Variants in CACNB2 observed in about 807,000 individuals in gnomAD.
CACNB2 encodes the protein calcium voltage-gated channel auxiliary subunit beta 2, also known as voltage-dependent L-type calcium channel subunit beta-2.
In CACNB2, 42 loss-of-function variants were observed where a neutral mutation model predicts 73.3. The observed-to-expected ratio is 0.57, with a 90% CI of 0.45 to 0.74. CACNB2 has a LOEUF of 0.74. Among genes scored for constraint, CACNB2 ranks in the 30% least tolerant of loss-of-function variants. The pLI is 0.00. For synonymous variants in CACNB2, 348 were observed against 310.3 expected, an observed-to-expected ratio of 1.12 and a Z score of -1.28; for missense variants, 940 against 853.0, an observed-to-expected ratio of 1.10 and a Z score of -1.27.
chr10:18,493,897 CCCCG>C (rs2049614061), intron 3 of CACNB2, among the ~76,000 whole-genome samples: 1 of 152,090 alleles, frequency 6.6e-6, no homozygotes, highest in African/African-American at 2.4e-5. Flanking sequence ...TACATCTGTC[CCCCG>C]CATCCCTTGA....
intron 3 of CACNB2, among the ~76,000 whole-genome samples, chr10:18,438,761 C>T (rs906523387): frequency 2.0e-5 from 3 of 152,234 alleles, no homozygotes; most frequent in Admixed American, 6.5e-5. Flanking sequence ...TCTCCCTGGG[C>T]CTTATGGAGT....
At chr10:18,388,633 C>G (rs1179607051) in intron 2 of CACNB2, among the ~76,000 whole-genome samples, 1 of 152,090 alleles carries the variant, frequency 6.6e-6, no homozygotes, top group Non-Finnish European at 1.5e-5. Flanking sequence ...TATTTTACTA[C>G]CAAATTACTG....
chr10:18,155,813 A>G (rs1225086762), intron 2 of CACNB2, among the ~76,000 whole-genome samples: 2 of 151,788 alleles, frequency 1.3e-5, no homozygotes, highest in Non-Finnish European at 2.9e-5. Context: ...CTAACCCACA[A>G]TTTAACTGTG....
chr10:18,271,844 T>C (rs745916327), intron 2 of CACNB2, among the ~76,000 whole-genome samples: 17 of 152,186 alleles, frequency 1.1e-4, no homozygotes, highest in Non-Finnish European at 2.2e-4. Flanking sequence ...TTTTTGTTTA[T>C]TGGGGTTTTT....
chr10:18,460,357 A>C (rs993537008), intron 3 of CACNB2, among the ~76,000 whole-genome samples: 4 of 152,166 alleles, frequency 2.6e-5, no homozygotes, highest in Non-Finnish European at 5.9e-5. Context: ...AGTAGGGATA[A>C]GTTCCAAGGG....
At chr10:18,514,191 T>G (rs756195797) in intron 6 of CACNB2, 45 bp from the exon 7 acceptor site, 1 of 1,606,490 alleles carries the variant, frequency 6.2e-7, no homozygotes. Context: ...TTATAACCTA[T>G]TTTTCCTCTC....
At chr10:18,174,482 C>T (rs1175614568) in intron 2 of CACNB2, among the ~76,000 whole-genome samples, 1 of 151,492 alleles carries the variant, frequency 6.6e-6, no homozygotes, top group Non-Finnish European at 1.5e-5. Context: ...TGGCTCACTG[C>T]AACTTCTGCC....
chr10:18,476,007 C>G (rs2048421733), intron 3 of CACNB2, among the ~76,000 whole-genome samples: 1 of 152,164 alleles, frequency 6.6e-6, no homozygotes, highest in African/African-American at 2.4e-5. Context: ...AAAAGAATGG[C>G]TACTCCATAG....
In CACNB2 at chr10:18,187,486, C is replaced by T. The variant is rs559523222; in HGVS notation, c.213+36511C>T. ...ACCAAAATGAGAAGAAATAGATTTACGGCAATATTTTAAAAGTGACTGTGT... is the reference window on the plus strand; with the variant it reads ...ACCAAAATGAGAAGAAATAGATTTATGGCAATATTTTAAAAGTGACTGTGT... On this transcript the variant is annotated intron_variant, in intron 2 of 13. Coordinates refer to ENST00000324631, the MANE Select transcript of CACNB2 (RefSeq NM_201596.3). 6.6e-5 allele frequency among the ~76,000 whole-genome samples: 10 copies of T among 152,092 alleles called. 1 individual carries two copies. The South Asian group carries it at 1.9e-3, about 28-fold the overall frequency.
At chr10:18,462,006 C>A (rs2047606892) in intron 3 of CACNB2, among the ~76,000 whole-genome samples, 1 of 151,884 alleles carries the variant, frequency 6.6e-6, no homozygotes, top group Non-Finnish European at 1.5e-5. Flanking sequence ...GAAGAGATAC[C>A]TCTCCACCCT....
chr10:18,455,454 G>C (rs2047231969), intron 3 of CACNB2, among the ~76,000 whole-genome samples: 1 of 151,370 alleles, frequency 6.6e-6, no homozygotes, highest in Admixed American at 6.6e-5. Context: ...TGAGTAATCT[G>C]GTTTACATTC....
chr10:18,276,077 A>C (rs2038274789), intron 2 of CACNB2, among the ~76,000 whole-genome samples: 1 of 152,230 alleles, frequency 6.6e-6, no homozygotes, highest in African/African-American at 2.4e-5. Context: ...TCAAATAATA[A>C]CTAATCAATA....
chr10:18,496,272 T>C (rs1190125427), intron 3 of CACNB2, among the ~76,000 whole-genome samples: 1 of 151,918 alleles, frequency 6.6e-6, no homozygotes, highest in African/African-American at 2.4e-5. Context: ...TGTGCCTATA[T>C]CCAGAATTTG....
intron 2 of CACNB2, among the ~76,000 whole-genome samples, chr10:18,343,309 G>T (rs1012743416): frequency 6.6e-6 from 1 of 150,998 alleles, no homozygotes; most frequent in Non-Finnish European, 1.5e-5. Flanking sequence ...ATTTGGGCAG[G>T]TTTTTTTTTA....
intron 3 of CACNB2, among the ~76,000 whole-genome samples, chr10:18,445,562 C>G (rs781506394): frequency 2.0e-5 from 3 of 151,874 alleles, no homozygotes; most frequent in Non-Finnish European, 2.9e-5. Flanking sequence ...TTCTAGAGCT[C>G]TCTAAGCAAG....
At chr10:18,283,968 T>C (rs2038676085) in intron 2 of CACNB2, among the ~76,000 whole-genome samples, 1 of 152,008 alleles carries the variant, frequency 6.6e-6, no homozygotes, top group African/African-American at 2.4e-5. Context: ...AAAACAGAAA[T>C]TGTAGTGTTA....
chr10:18,443,020 A>ATATATG (rs1554820420), intron 3 of CACNB2, among the ~76,000 whole-genome samples: 3 of 107,086 alleles, frequency 2.8e-5, no homozygotes, highest in African/African-American at 4.1e-5. Flanking sequence ...ATATGTATAT[A>ATATATG]TATATATATA....
At chr10:18,268,264 G>C (rs2037899480) in intron 2 of CACNB2, among the ~76,000 whole-genome samples, 1 of 152,214 alleles carries the variant, frequency 6.6e-6, no homozygotes, top group Non-Finnish European at 1.5e-5. Flanking sequence ...TATTCTGAAA[G>C]TTAGAAATGT....
intron 1 of CACNB2, among the ~76,000 whole-genome samples, chr10:18,146,539 G>A (rs1034080720): frequency 1.1e-4 from 17 of 151,744 alleles, no homozygotes; most frequent in Non-Finnish European, 7.4e-5. Context: ...GTGCAGTGGC[G>A]TGATCTCGGC....
Sources: allele counts gnomAD v4.1 joint callset (sites outside exome capture counted in the v4.1 genomes callset), GRCh38; gene constraint gnomAD v4.1.1; transcripts MANE v1.5; gene names NCBI Gene and HGNC (gene_info 2026-07-23, HGNC 2026-07-21).